BCO2: variants seen among roughly 807,000 people sequenced by gnomAD.
BCO2 encodes the protein beta-carotene oxygenase 2.
In BCO2, 56 loss-of-function variants were observed where a neutral mutation model predicts 65.8. The observed-to-expected ratio is 0.85, with a 90% CI of 0.69 to 1.06. The LOEUF (loss-of-function observed/expected upper bound fraction) is 1.06. Among genes scored for constraint, BCO2 ranks in the 50% least tolerant of loss-of-function variants. BCO2 has a pLI of 0.00. For synonymous variants in BCO2, 233 were observed against 242.3 expected (o/e 0.96, Z 0.36); for missense variants, 675 against 698.5 (o/e 0.97, Z 0.38).
At chr11:112,210,059 T>C (rs1385425629) in intron 8 of BCO2, among the ~76,000 whole-genome samples, 1 of 152,232 alleles carries the variant, frequency 6.6e-6, no homozygotes, top group East Asian at 1.9e-4. Flanking sequence ...ATATTTGGAA[T>C]AATTCAACAG....
Position 112,213,878 on chromosome 11 carries a change from C to T in BCO2, c.1332+17C>T, listed in dbSNP as rs1347162424. 1.3e-6 allele frequency: 2 copies of T among 1,524,318 alleles called. No individual in the cohort carries two copies. Among genetic ancestry groups the T allele is most frequent in the East Asian group, 2.3e-5 (1 of 43,272 alleles). 94.4% of individuals were successfully genotyped at this position (1,524,318 alleles called of 1,614,324 possible). On this transcript the variant is annotated intron_variant, in intron 9 of 11. Coordinates refer to ENST00000357685, the MANE Select transcript of BCO2 (RefSeq NM_031938.7). Reference sequence around the variant, plus strand: ...GATGGAACGGTATGCTATGAACAGACATTAGACTAAGACTTTGAACTTTAA... The same window carrying T: ...GATGGAACGGTATGCTATGAACAGATATTAGACTAAGACTTTGAACTTTAA...
chr11:112,190,647 G>A (rs1206998372), intron 2 of BCO2, among the ~76,000 whole-genome samples: 4 of 152,016 alleles, frequency 2.6e-5, no homozygotes, highest in African/African-American at 9.7e-5. Flanking sequence ...ACAAGGTCAG[G>A]AGATCGAGAC....
In BCO2 at chr11:112,193,465, T is replaced by A. The variant is rs1226776082; in HGVS notation, c.294-9T>A. 1 of 1,610,900 alleles carries A rather than the reference T, an allele frequency of 6.2e-7. No homozygotes were observed. On this transcript the variant is annotated splice_polypyrimidine_tract_variant and intron_variant, in intron 2 of 11. Transcript: ENST00000357685. ...TTACTGATATTTATTTATTTTCTCC[T>A]GTTTGAAGGTACAATCATTGGTTTG...
At chr11:112,207,954 T>C (rs1041235025) in intron 8 of BCO2, among the ~76,000 whole-genome samples, 1 of 81,704 alleles carries the variant, frequency 1.2e-5, no homozygotes, top group African/African-American at 5.2e-5. Flanking sequence ...TGTTGCTATA[T>C]AGCAATTTTT....
chr11:112,179,305 C>T lies in BCO2; in HGVS notation c.116C>T (p.Pro39Leu). Residue 39 changes from proline to leucine, a missense_variant, in exon 2 of 12, where the codon CCT becomes CTT. Pro to Leu is a moderately conservative substitution (Grantham distance 98). Transcript: ENST00000357685. ...PVFKRYMGNTPQKKAVFGQCR... is the reference protein window; with the variant it reads ...PVFKRYMGNTLQKKAVFGQCR... ...TTCAAAAGGTACATGGGAAATACTCCTCAGAAAAAAGCCGTCTTTGGGCAG... is the reference window on the plus strand; with the variant it reads ...TTCAAAAGGTACATGGGAAATACTCTTCAGAAAAAAGCCGTCTTTGGGCAG... 1 of 1,614,136 alleles carries T rather than the reference C, an allele frequency of 6.2e-7. No homozygotes were observed. The highest frequency in any genetic ancestry group is 8.5e-7 in the Non-Finnish European group (1 of 1,180,014).
At chr11:112,181,045 G>C (rs1260567630) in intron 2 of BCO2, 1 of 1,473,798 alleles carries the variant, frequency 6.8e-7, no homozygotes, top group East Asian at 2.3e-5. Context: ...CAGAGTGGCT[G>C]ACATTAAATG....
chr11:112,192,443 G>A (rs962420133), intron 2 of BCO2, among the ~76,000 whole-genome samples: 1 of 151,974 alleles, frequency 6.6e-6, no homozygotes, highest in African/African-American at 2.4e-5. Flanking sequence ...TTTAAAAAGC[G>A]AAGCCACAAA....
chr11:112,216,412 C>A, intron 11 of BCO2, 82 bp downstream of exon 11: 1 of 951,902 alleles, frequency 1.1e-6, no homozygotes, highest in South Asian at 1.4e-5. Context: ...ACTCATCTGT[C>A]GATAGTTTAC....
chr11:112,217,033 A>G (rs571059411), intron 11 of BCO2, among the ~76,000 whole-genome samples: 1 of 152,364 alleles, frequency 6.6e-6, no homozygotes, highest in South Asian at 2.1e-4. Flanking sequence ...GCAGATCTCA[A>G]TCTGCCTTGC....
chr11:112,181,553 T>A, intron 2 of BCO2: 1 of 748,028 alleles, frequency 1.3e-6, no homozygotes, highest in South Asian at 1.4e-5. Flanking sequence ...GGACAGCTCA[T>A]TGTAAATGAT....
At chr11:112,181,434 G>T in intron 2 of BCO2, 1 of 629,722 alleles carries the variant, frequency 1.6e-6, no homozygotes, top group South Asian at 1.5e-5. Context: ...GCCCGCCTCG[G>T]CCTCCCAAAG....
At chr11:112,186,461 T>C (rs1326138464) in intron 2 of BCO2, among the ~76,000 whole-genome samples, 1 of 152,192 alleles carries the variant, frequency 6.6e-6, no homozygotes, top group Non-Finnish European at 1.5e-5. Flanking sequence ...ACACTCAGTT[T>C]AGTGGTTGAC....
At position 112,200,640 on chromosome 11, in the gene BCO2, T is replaced by G. The variant is rs774618293; in HGVS notation, c.893T>G (p.Ile298Ser). The G allele has an allele frequency of 3.1e-6, 5 of 1,609,644 alleles. No homozygotes were observed. Among genetic ancestry groups the G allele is most frequent in the Non-Finnish European group, 1.7e-6 (2 of 1,178,960 alleles). Reference protein sequence around the residue: ...FGMTRNYIIFIEQPLKMNLWK... With the variant: ...FGMTRNYIIFSEQPLKMNLWK... Reference sequence around the variant, plus strand: ...ATGACAAGGAACTATATAATTTTCATTGAACAACCTCTAAAGATGAACCTG... The same window carrying G: ...ATGACAAGGAACTATATAATTTTCAGTGAACAACCTCTAAAGATGAACCTG... The change falls in exon 7 of 12, where the codon ATT becomes AGT. Residue 298 changes from isoleucine to serine, a missense_variant. By Grantham distance (142) the Ile-to-Ser change is moderately radical. Transcript: ENST00000357685.
intron 2 of BCO2, among the ~76,000 whole-genome samples, chr11:112,187,240 C>T (rs530094270): frequency 3.3e-5 from 5 of 152,280 alleles, no homozygotes; most frequent in African/African-American, 1.2e-4. Context: ...CCAGACTTTA[C>T]CGTCAGTCAC....
intron 7 of BCO2, 109 bp downstream of exon 7, chr11:112,200,882 T>C: frequency 8.3e-7 from 1 of 1,208,532 alleles, no homozygotes; most frequent in Non-Finnish European, 1.2e-6. Flanking sequence ...ATAAGACACT[T>C]TTAATCAAGG....
chr11:112,203,137 T>C (rs1044358569), intron 8 of BCO2, among the ~76,000 whole-genome samples: 5 of 152,038 alleles, frequency 3.3e-5, no homozygotes, highest in Admixed American at 3.3e-4. Flanking sequence ...AATAGCAAAG[T>C]AGACCGTCAA....
intron 7 of BCO2, 74 bp downstream of exon 7, chr11:112,200,847 A>T (rs7948124): frequency 1 from 1,543,159 of 1,546,380 alleles, 769,997 homozygotes; most frequent in East Asian, 1. Flanking sequence ...TTGATTTTTT[A>T]AAAATCTTCC....
intron 8 of BCO2, among the ~76,000 whole-genome samples, chr11:112,206,972 C>T (rs954327584): frequency 6.6e-6 from 1 of 152,152 alleles, no homozygotes; most frequent in Non-Finnish European, 1.5e-5. Context: ...TTTAAGCTTT[C>T]ATTTTCTGTT....
At chr11:112,192,433 T>C (rs180708608) in intron 2 of BCO2, among the ~76,000 whole-genome samples, 94 of 152,244 alleles carry the variant, frequency 6.2e-4, no homozygotes, top group African/African-American at 2.1e-3. Flanking sequence ...TAATAAACCA[T>C]TTAAAAAGCG....
Sources: gnomAD v4.1 joint callset for allele counts (sites outside exome capture counted in the v4.1 genomes callset) on GRCh38, gnomAD v4.1.1 for gene constraint, MANE v1.5 for transcripts, NCBI Gene and HGNC (gene_info 2026-07-23, HGNC 2026-07-21) for gene names.